The following ERBB4 variants were observed in gnomAD, a reference collection of about 807,000 sequenced individuals.
The protein encoded by ERBB4 is erb-b2 receptor tyrosine kinase 4, also known as receptor tyrosine-protein kinase erbB-4.
A neutral mutation model predicts 158.0 loss-of-function variants in ERBB4; 42 were observed. That is an observed-to-expected ratio of 0.27 (90% CI 0.21 to 0.34). The LOEUF (loss-of-function observed/expected upper bound fraction) is 0.34. Ranked by LOEUF, ERBB4 falls within the 10% of genes least tolerant of loss-of-function variation. The pLI is 1.00. For missense variants in ERBB4, 1,333 were observed against 1,624.1 expected, an observed-to-expected ratio of 0.82 and a Z score of 3.08; for synonymous variants, 583 against 558.7, an observed-to-expected ratio of 1.04 and a Z score of -0.61.
At chr2:212,221,322 A>G (rs1369318137) in intron 1 of ERBB4, among the ~76,000 whole-genome samples, 2 of 151,562 alleles carry the variant, frequency 1.3e-5, no homozygotes, top group African/African-American at 2.4e-5. Context: ...TATACATTGT[A>G]TTTCTTTAGC....
chr2:212,102,090 T>A (rs533321366), intron 2 of ERBB4, among the ~76,000 whole-genome samples: 8,219 of 108,536 alleles, frequency 0.076, 619 homozygotes, highest in Middle Eastern at 0.09. Flanking sequence ...AAAATTTATT[T>A]TATATATATA....
rs536836376 is a variant in ERBB4, at chr2:211,944,497, C to T, written c.421+2933G>A. On this transcript the variant is annotated intron_variant, in intron 3 of 27. Coordinates refer to ENST00000342788, the MANE Select transcript of ERBB4 (RefSeq NM_005235.3). ...GTCATTTTATACCCAAGTTTCTATC[C>T]AGGATCCCAGTGTATTATTTTCATT... Among the ~76,000 whole-genome samples the T allele has an allele frequency of 4.0e-5, 6 of 151,526 alleles. No individual in the cohort carries two copies. The South Asian group carries it at 6.2e-4, about 16-fold the overall frequency.
At chr2:211,535,841 A>T (rs1197542954) in intron 20 of ERBB4, 1 of 152,092 alleles carries the variant, frequency 6.6e-6, no homozygotes, top group Non-Finnish European at 1.5e-5. Context: ...AATTTTAAAA[A>T]ACATTGAAAT....
At chr2:211,662,942 G>A (rs1037971727) in intron 15 of ERBB4, among the ~76,000 whole-genome samples, 1 of 152,104 alleles carries the variant, frequency 6.6e-6, no homozygotes, top group African/African-American at 2.4e-5. Context: ...AGTAGAACTG[G>A]CCTGGTGAGC....
At chr2:212,118,027 T>C (rs1348857433) in intron 2 of ERBB4, among the ~76,000 whole-genome samples, 2 of 152,188 alleles carry the variant, frequency 1.3e-5, no homozygotes, top group Non-Finnish European at 2.9e-5. Flanking sequence ...AATCATGCTA[T>C]GCAGCAGACA....
intron 17 of ERBB4, among the ~76,000 whole-genome samples, chr2:211,625,849 A>G (rs1207669484): frequency 3.3e-5 from 5 of 152,200 alleles, no homozygotes; most frequent in East Asian, 3.9e-4. Context: ...TAAAATATAC[A>G]TTGTGTATAT....
At chr2:212,202,360 T>C (rs1373229418) in intron 1 of ERBB4, among the ~76,000 whole-genome samples, 1 of 152,150 alleles carries the variant, frequency 6.6e-6, no homozygotes, top group South Asian at 2.1e-4. Context: ...TTTTTATTTT[T>C]ATTTTTTTGA....
At chr2:211,424,349 T>C (rs1426511334) in intron 22 of ERBB4, 48 bp from the exon 23 acceptor site, 2 of 1,399,614 alleles carry the variant, frequency 1.4e-6, no homozygotes, top group Admixed American at 3.4e-5. Flanking sequence ...CAACATATGT[T>C]GAACAAACCA....
intron 12 of ERBB4, among the ~76,000 whole-genome samples, chr2:211,682,452 C>A (rs970663162): frequency 6.6e-6 from 1 of 152,042 alleles, no homozygotes; most frequent in Non-Finnish European, 1.5e-5. Flanking sequence ...CAAATGCTAA[C>A]CTCATTTAGA....
At chr2:212,143,681 TC>T (rs2080560767) in intron 1 of ERBB4, among the ~76,000 whole-genome samples, 1 of 152,268 alleles carries the variant, frequency 6.6e-6, no homozygotes, top group East Asian at 1.9e-4. Context: ...TTCAATGGAC[TC>T]TACTACAAGC....
chr2:211,720,602 G>T (rs1185090220), intron 7 of ERBB4, among the ~76,000 whole-genome samples: 1 of 152,134 alleles, frequency 6.6e-6, no homozygotes, highest in Non-Finnish European at 1.5e-5. Flanking sequence ...TTGATGATCA[G>T]CATACCATTA....
intron 25 of ERBB4, among the ~76,000 whole-genome samples, chr2:211,403,160 C>T (rs1243305792): frequency 1.1e-4 from 17 of 152,076 alleles, no homozygotes; most frequent in Admixed American, 5.9e-4. Flanking sequence ...TCCAACCTCG[C>T]TGTTTCTGAA....
At chr2:211,463,433 A>C (rs559222451) in intron 20 of ERBB4, among the ~76,000 whole-genome samples, 1 of 152,324 alleles carries the variant, frequency 6.6e-6, no homozygotes, top group African/African-American at 2.4e-5. Flanking sequence ...GTGCTAGATC[A>C]GCGTTGGTTT....
intron 1 of ERBB4, among the ~76,000 whole-genome samples, chr2:212,230,301 A>C (rs1472969557): frequency 6.6e-6 from 1 of 152,134 alleles, no homozygotes; most frequent in Non-Finnish European, 1.5e-5. Flanking sequence ...AGGAAAAAGA[A>C]TATGGGCTAC....
At chr2:211,594,454 T>TAA (rs576635458) in intron 19 of ERBB4, among the ~76,000 whole-genome samples, 1 of 140,516 alleles carries the variant, frequency 7.1e-6, no homozygotes, top group Non-Finnish European at 1.6e-5. Flanking sequence ...AAATAACAAA[T>TAA]AAAAAAAAAA....
chr2:211,913,625 G>A (rs1042429143), intron 3 of ERBB4, among the ~76,000 whole-genome samples: 144 of 103,302 alleles, frequency 1.4e-3, no homozygotes, highest in Non-Finnish European at 2.4e-3. Context: ...ATATATGTGT[G>A]TGTGTGTGTG....
At chr2:212,119,456 C>G (rs535679882) in intron 2 of ERBB4, among the ~76,000 whole-genome samples, 1 of 152,076 alleles carries the variant, frequency 6.6e-6, no homozygotes, top group Non-Finnish European at 1.5e-5. Flanking sequence ...AGAAAGCTCC[C>G]AAGAATTCTA....
chr2:212,214,394 G>T (rs776460974), intron 1 of ERBB4, among the ~76,000 whole-genome samples: 4 of 151,692 alleles, frequency 2.6e-5, no homozygotes, highest in African/African-American at 7.3e-5. Context: ...GTATTGGATA[G>T]CACAGTTTTA....
rs1187928097 is a variant in ERBB4, at chr2:211,944,164, CTATATATATATACTATATATATA to C, written c.421+3243_421+3265del. Among the ~76,000 whole-genome samples the C allele has an allele frequency of 4.5e-4, 45 of 100,888 alleles. 3 individuals carry two copies. The East Asian group carries it at 7.5e-3, about 17-fold the overall frequency. The allele number at this position is 100,888 out of a possible 152,430, so 66.2% of individuals were successfully genotyped here. On this transcript the variant is annotated intron_variant, in intron 3 of 27. Coordinates refer to ENST00000342788, the MANE Select transcript of ERBB4 (RefSeq NM_005235.3). The stretch of plus-strand genomic sequence containing the variant: ...TATACATATACACTATATATATACA[CTATATATATATACTATATATATA>C]TATATATATATACTATATATATATA...
Sources: allele counts gnomAD v4.1 joint callset (sites outside exome capture counted in the v4.1 genomes callset), GRCh38; gene constraint gnomAD v4.1.1; transcripts MANE v1.5; gene names NCBI Gene and HGNC (gene_info 2026-07-23, HGNC 2026-07-21).